CACNA2D1: variants seen among roughly 807,000 people sequenced by gnomAD.
CACNA2D1 encodes voltage-dependent calcium channel subunit alpha-2/delta-1.
In CACNA2D1, 53 loss-of-function variants were observed where a neutral mutation model predicts 171.5. That is an observed-to-expected ratio of 0.31 (90% CI 0.25 to 0.39). The LOEUF is 0.39. Ranked by LOEUF, CACNA2D1 falls within the 10% of genes least tolerant of loss-of-function variation. CACNA2D1 has a pLI of 1.00. For synonymous variants in CACNA2D1, 442 were observed against 443.1 expected, an observed-to-expected ratio of 1.00 and a Z score of 0.03; for missense variants, 903 against 1,299.8, an observed-to-expected ratio of 0.69 and a Z score of 4.69.
chr7:82,356,964 G>A (rs1820499178), intron 1 of CACNA2D1, among the ~76,000 whole-genome samples: 1 of 152,066 alleles, frequency 6.6e-6, no homozygotes. Context: ...GTTTCTAAAT[G>A]TTTGGTGTCT....
chr7:82,034,403 C>G (rs565119531), intron 11 of CACNA2D1, among the ~76,000 whole-genome samples: 1 of 151,928 alleles, frequency 6.6e-6, no homozygotes, highest in Admixed American at 6.6e-5. Context: ...ATGAAAAGAT[C>G]CTGTTTCAGG....
intron 3 of CACNA2D1, among the ~76,000 whole-genome samples, chr7:82,310,763 T>C (rs1215381855): frequency 6.6e-6 from 1 of 152,116 alleles, no homozygotes; most frequent in Non-Finnish European, 1.5e-5. Flanking sequence ...AAGGTTTTTG[T>C]TTTTGAAATC....
intron 3 of CACNA2D1, among the ~76,000 whole-genome samples, chr7:82,199,364 G>A (rs1799181795): frequency 6.6e-6 from 1 of 152,162 alleles, no homozygotes; most frequent in African/African-American, 2.4e-5. Flanking sequence ...TACAACGAAT[G>A]TTAACTATTA....
chr7:82,312,361 A>G (rs967405662), intron 3 of CACNA2D1, among the ~76,000 whole-genome samples: 1 of 152,162 alleles, frequency 6.6e-6, no homozygotes, highest in Non-Finnish European at 1.5e-5. Flanking sequence ...TGACTTAAAA[A>G]TCACTAGAAA....
intron 3 of CACNA2D1, among the ~76,000 whole-genome samples, chr7:82,200,563 A>G (rs1401401398): frequency 1.3e-5 from 2 of 152,086 alleles, no homozygotes; most frequent in Non-Finnish European, 2.9e-5. Flanking sequence ...TATGTTTTTG[A>G]ATTTATACCA....
rs928228193 is a variant in CACNA2D1, at chr7:82,169,756, T to C, written c.354+794A>G. Among the ~76,000 whole-genome samples the C allele has an allele frequency of 5.9e-5, 9 of 152,122 alleles. No homozygotes were observed. In the South Asian group the frequency reaches 6.2e-4, roughly 11 times the overall value. ...GTTTACATCCCCAAAATGAGTTGTC[T>C]GGAAGTTTTCTGTGATCAGAAATTA... On this transcript the variant is annotated intron_variant, in intron 4 of 38. Coordinates refer to ENST00000356860, the MANE Select transcript of CACNA2D1 (RefSeq NM_000722.4).
At chr7:82,310,472 C>G (rs73376121) in intron 3 of CACNA2D1, among the ~76,000 whole-genome samples, 1 of 151,624 alleles carries the variant, frequency 6.6e-6, no homozygotes, top group Non-Finnish European at 1.5e-5. Context: ...AAATTTTATG[C>G]GGTTAAATGG....
chr7:82,166,459 C>G (rs1399371997), intron 4 of CACNA2D1, among the ~76,000 whole-genome samples: 2 of 151,988 alleles, frequency 1.3e-5, no homozygotes, highest in Admixed American at 1.3e-4. Context: ...ATTAGACACC[C>G]CTTATGTTTA....
chr7:82,336,389 A>G (rs1818004517), intron 2 of CACNA2D1, among the ~76,000 whole-genome samples: 1 of 152,220 alleles, frequency 6.6e-6, no homozygotes, highest in African/African-American at 2.4e-5. Flanking sequence ...TGAAATAAAA[A>G]TTAATTTGAA....
intron 6 of CACNA2D1, among the ~76,000 whole-genome samples, chr7:82,111,091 T>C (rs961398392): frequency 3.3e-5 from 5 of 151,800 alleles, no homozygotes; most frequent in Non-Finnish European, 7.4e-5. Flanking sequence ...AAAGAGAACA[T>C]TTAATATTTT....
At chr7:81,967,542 A>G (rs1422167978) in intron 30 of CACNA2D1, 54 bp downstream of exon 30, 16 of 943,276 alleles carry the variant, frequency 1.7e-5, no homozygotes, top group South Asian at 1.1e-4. Flanking sequence ...ATTTTTTTCT[A>G]TTGAATTTTG....
intron 12 of CACNA2D1, chr7:82,028,121 C>G (rs1045256300): frequency 6.6e-6 from 1 of 151,812 alleles, no homozygotes; most frequent in Non-Finnish European, 1.5e-5. Flanking sequence ...CTTCAAAGGA[C>G]AGGCTGACTT....
intron 3 of CACNA2D1, among the ~76,000 whole-genome samples, chr7:82,251,930 C>A (rs1368033495): frequency 6.6e-6 from 1 of 152,110 alleles, no homozygotes; most frequent in East Asian, 1.9e-4. Context: ...AAGGGACATG[C>A]AAGATAAAAA....
intron 3 of CACNA2D1, among the ~76,000 whole-genome samples, chr7:82,328,295 T>C (rs1168748998): frequency 3.3e-5 from 5 of 152,166 alleles, no homozygotes; most frequent in Non-Finnish European, 7.3e-5. Context: ...ACACAGAGTT[T>C]TCAGAAAGCT....
intron 12 of CACNA2D1, among the ~76,000 whole-genome samples, chr7:82,014,779 C>G (rs144738891): frequency 6.6e-6 from 1 of 152,168 alleles, no homozygotes; most frequent in Non-Finnish European, 1.5e-5. Context: ...CATGGCCAGA[C>G]GCAGTGGCTC....
intron 3 of CACNA2D1, 66 bp downstream of exon 3, chr7:82,335,069 G>A: frequency 9.9e-7 from 1 of 1,013,442 alleles, no homozygotes; most frequent in Non-Finnish European, 1.6e-6. Context: ...CCTCAATAGA[G>A]CATGAAAATT....
chr7:82,160,098 A>T (rs56117871), intron 4 of CACNA2D1, among the ~76,000 whole-genome samples: 57,317 of 151,450 alleles, frequency 0.38, 10,922 homozygotes, highest in Middle Eastern at 0.46. Flanking sequence ...TCAGTTCAAT[A>T]TAGGAGGAGT....
intron 5 of CACNA2D1, among the ~76,000 whole-genome samples, chr7:82,117,848 C>A (rs1789264068): frequency 6.6e-6 from 1 of 152,046 alleles, no homozygotes; most frequent in African/African-American, 2.4e-5. Flanking sequence ...CCTTTAAATA[C>A]AACCTAACTA....
chr7:81,998,496 A>G (rs1242032890), intron 18 of CACNA2D1, among the ~76,000 whole-genome samples: 4 of 152,088 alleles, frequency 2.6e-5, no homozygotes, highest in African/African-American at 7.2e-5. Context: ...GTTGAATGAC[A>G]TAGTATACAC....
Sources: gnomAD v4.1 joint callset for allele counts (sites outside exome capture counted in the v4.1 genomes callset) on GRCh38, gnomAD v4.1.1 for gene constraint, MANE v1.5 for transcripts, NCBI Gene and HGNC (gene_info 2026-07-23, HGNC 2026-07-21) for gene names.